The following FTO variants were observed in gnomAD, a reference collection of about 807,000 sequenced individuals.
The protein encoded by FTO is FTO alpha-ketoglutarate dependent dioxygenase.
Under a neutral mutation model 63.9 loss-of-function variants are expected in FTO, and 47 were observed. That is an observed-to-expected ratio of 0.74 (90% CI 0.58 to 0.94). FTO has a LOEUF of 0.94. FTO is among the 40% of genes least tolerant of loss of function. The probability of loss-of-function intolerance (pLI) is 0.00; values close to 1 mark genes in which losing one functional copy is unlikely to be tolerated. For missense variants in FTO, 562 were observed against 618.1 expected (o/e 0.91, Z 0.96); for synonymous variants, 207 against 224.4 (o/e 0.92, Z 0.69).
chr16:53,716,761 T>G (rs937375126), intron 1 of FTO, among the ~76,000 whole-genome samples: 2 of 151,674 alleles, frequency 1.3e-5, no homozygotes, highest in Non-Finnish European at 2.9e-5. Flanking sequence ...GATTACATAA[T>G]AATTTTTTAT....
intron 8 of FTO, among the ~76,000 whole-genome samples, chr16:53,972,734 T>C (rs1410398293): frequency 6.6e-6 from 1 of 152,212 alleles, no homozygotes; most frequent in East Asian, 1.9e-4. Flanking sequence ...ACATTTTAGG[T>C]ACATCCATCC....
chr16:53,849,804 C>T (rs1241579004), intron 4 of FTO, among the ~76,000 whole-genome samples: 1 of 152,164 alleles, frequency 6.6e-6, no homozygotes, highest in Non-Finnish European at 1.5e-5. Context: ...ACAGAGGTCT[C>T]CAGGAGTTTA....
chr16:53,894,622 T>G (rs921308143), intron 7 of FTO, among the ~76,000 whole-genome samples: 2 of 104,084 alleles, frequency 1.9e-5, no homozygotes, highest in Non-Finnish European at 4.2e-5. Context: ...AATGGGAAAG[T>G]CACCAATTTT....
rs571173191 is a variant in FTO, at chr16:53,829,322, C to T, written c.751+2831C>T. On this transcript the variant is annotated intron_variant, in intron 3 of 8. Transcript: ENST00000471389. ...ACCCACATCTGCTGTAGCTTTCCAGCACATACTCTCAGATGATTGGAATGC... is the reference window on the plus strand; with the variant it reads ...ACCCACATCTGCTGTAGCTTTCCAGTACATACTCTCAGATGATTGGAATGC... Among the ~76,000 whole-genome samples the T allele has an allele frequency of 2.6e-5, 4 of 152,352 alleles. No homozygotes were observed. In the South Asian group the frequency reaches 8.3e-4, roughly 32 times the overall value.
At position 53,934,819 on chromosome 16, in the gene FTO, G is replaced by C; in HGVS notation, c.1364+710G>C. Among the ~76,000 whole-genome samples, 3 of 152,248 alleles carry C rather than the reference G, an allele frequency of 2.0e-5. No individual in the cohort carries two copies. In the South Asian group the frequency reaches 6.2e-4, roughly 32 times the overall value. Reference sequence around the variant, plus strand: ...ACCACTGACATATATAAGGTTCGCCGTTGACCAAAACCTCAAAATGTTGTT... The same window carrying C: ...ACCACTGACATATATAAGGTTCGCCCTTGACCAAAACCTCAAAATGTTGTT... On this transcript the variant is annotated intron_variant, in intron 8 of 8. Transcript: ENST00000471389.
intron 8 of FTO, among the ~76,000 whole-genome samples, chr16:53,988,597 G>A (rs192669917): frequency 6.9e-4 from 105 of 152,296 alleles, no homozygotes; most frequent in African/African-American, 2.4e-3. Context: ...GTGCCAAGTT[G>A]TATTCTAAAT....
At chr16:54,026,487 C>A (rs1375715918) in intron 8 of FTO, among the ~76,000 whole-genome samples, 1 of 152,188 alleles carries the variant, frequency 6.6e-6, no homozygotes, top group African/African-American at 2.4e-5. Flanking sequence ...CACTTAGTTT[C>A]ATCTATAGGT....
intron 4 of FTO, among the ~76,000 whole-genome samples, chr16:53,868,380 C>T (rs1334052631): frequency 6.6e-6 from 1 of 151,712 alleles, no homozygotes; most frequent in East Asian, 1.9e-4. Flanking sequence ...AAGTAGTGAC[C>T]TAGAGGTTGC....
In FTO at chr16:54,111,874, G is replaced by T. The variant is rs763703220; in HGVS notation, c.1477G>T (p.Val493Phe). The part of the protein sequence containing the change: ...MPLPFDLTDI[V>F]SELRGQLLEA... ...TCTGCCGTTTGACCTCACAGACATC[G>T]TTTCAGAACTCAGAGGTCAGCTTCT... is the stretch of plus-strand genomic sequence containing the variant. Residue 493 changes from valine (V) to phenylalanine (F), a missense_variant, in exon 9 of 9, where the codon GTT becomes TTT. Val to Phe is a conservative substitution (Grantham distance 50). Transcript: ENST00000471389. The T allele has an allele frequency of 2.9e-5, 47 of 1,613,974 alleles. No individual in the cohort carries two copies. The highest frequency in any genetic ancestry group is 4.0e-5 in the African/African-American group (3 of 74,904).
intron 1 of FTO, among the ~76,000 whole-genome samples, chr16:53,723,187 T>G (rs2076080974): frequency 6.6e-6 from 1 of 152,212 alleles, no homozygotes; most frequent in Admixed American, 6.5e-5. Flanking sequence ...GCTGTAACAG[T>G]GAAACGAGGT....
At chr16:53,781,667 G>A (rs954185996) in intron 1 of FTO, among the ~76,000 whole-genome samples, 39 of 152,182 alleles carry the variant, frequency 2.6e-4, no homozygotes, top group African/African-American at 8.7e-4. Context: ...GGAGGCAGAG[G>A]TTGAAAAATC....
At chr16:54,018,669 A>G (rs1158439277) in intron 8 of FTO, among the ~76,000 whole-genome samples, 1 of 152,044 alleles carries the variant, frequency 6.6e-6, no homozygotes, top group African/African-American at 2.4e-5. Flanking sequence ...ATGAGATCTG[A>G]TGGTTTTATA....
At chr16:53,787,084 C>G (rs9927317) in intron 1 of FTO, among the ~76,000 whole-genome samples, 47,106 of 131,104 alleles carry the variant, frequency 0.36, 8,761 homozygotes, top group Middle Eastern at 0.42. Context: ...GCACTCTAGC[C>G]TGGGCAACAG....
intron 8 of FTO, among the ~76,000 whole-genome samples, chr16:54,087,230 G>A (rs1174804543): frequency 1.3e-5 from 2 of 152,152 alleles, no homozygotes; most frequent in African/African-American, 4.8e-5. Context: ...AGCGTTTTTG[G>A]TTTCTAGAAA....
rs373699250 is a variant in FTO at position 53,966,278 on chromosome 16, T to C, written c.1364+32169T>C. On this transcript the variant is annotated intron_variant, in intron 8 of 8. Transcript: ENST00000471389. ...TCTGCCCCTACCCTGTTCTGGAGAA[T>C]CTTGTACCATCATTAAAATAAGTAA... 1.1e-4 allele frequency among the ~76,000 whole-genome samples: 16 copies of C among 152,360 alleles called. No individual in the cohort carries two copies. In the East Asian group the frequency reaches 2.3e-3, roughly 22 times the overall value.
chr16:54,055,035 G>T (rs2085398945), intron 8 of FTO, among the ~76,000 whole-genome samples: 1 of 152,220 alleles, frequency 6.6e-6, no homozygotes, highest in African/African-American at 2.4e-5. Flanking sequence ...ATGGAAGGAA[G>T]AGATGGAGAA....
In FTO at chr16:54,116,995, C is replaced by G. The variant is rs2086978846; in HGVS notation, c.*5080C>G. The G allele has an allele frequency of 6.6e-6, 1 of 152,402 alleles. No homozygotes were observed. The highest frequency in any genetic ancestry group is 2.1e-4 in the South Asian group (1 of 4,826). The allele number at this position is 152,402 out of a possible 1,614,324, so 9.4% of individuals were successfully genotyped here. A position where few individuals can be genotyped will look rare whatever the true frequency, so the allele number is the denominator to read the frequency against. The stretch of plus-strand genomic sequence containing the variant: ...TTGTCAGCCAAGTTCTTCCTGCTCT[C>G]TGGCCCAAATCCTCCTCCTACATTG... On this transcript the variant is annotated 3_prime_UTR_variant, in exon 9 of 9. Coordinates refer to ENST00000471389, the MANE Select transcript of FTO (RefSeq NM_001080432.3).
intron 7 of FTO, among the ~76,000 whole-genome samples, chr16:53,902,581 C>G (rs1199632987): frequency 1.3e-5 from 2 of 152,176 alleles, no homozygotes; most frequent in Non-Finnish European, 2.9e-5. Flanking sequence ...ATGAGGCTCT[C>G]TGGTGTTGAG....
At chr16:53,858,288 A>G (rs1402502909) in intron 4 of FTO, among the ~76,000 whole-genome samples, 1 of 152,216 alleles carries the variant, frequency 6.6e-6, no homozygotes, top group African/African-American at 2.4e-5. Flanking sequence ...TTACTTTTAA[A>G]TTAAGCAATA....
Sources: allele counts gnomAD v4.1 joint callset (sites outside exome capture counted in the v4.1 genomes callset), GRCh38; gene constraint gnomAD v4.1.1; transcripts MANE v1.5; gene names NCBI Gene and HGNC (gene_info 2026-07-23, HGNC 2026-07-21).